MB21D2: variants seen among roughly 807,000 people sequenced by gnomAD.
MB21D2 encodes nucleotidyltransferase MB21D2.
In MB21D2, 9 loss-of-function variants were observed where a neutral mutation model predicts 33.3. The ratio of observed to expected loss-of-function variants is 0.27; its 90% CI spans 0.16 to 0.47. The LOEUF is 0.47. Ranked by LOEUF, MB21D2 falls within the 20% of genes least tolerant of loss-of-function variation. The pLI, the probability that MB21D2 is intolerant of heterozygous loss-of-function variation, is 0.99. For synonymous variants in MB21D2, 241 were observed against 236.3 expected, an observed-to-expected ratio of 1.02 and a Z score of -0.18; for missense variants, 540 against 624.6, an observed-to-expected ratio of 0.86 and a Z score of 1.44.
chr3:192,807,413 G>T (rs569486386), intron 1 of MB21D2, among the ~76,000 whole-genome samples: 1 of 151,836 alleles, frequency 6.6e-6, no homozygotes, highest in African/African-American at 2.4e-5. Context: ...TATCAGGGAT[G>T]ACCACATTAA....
At chr3:192,910,581 A>G (rs540455696) in intron 1 of MB21D2, among the ~76,000 whole-genome samples, 3 of 152,244 alleles carry the variant, frequency 2.0e-5, no homozygotes, top group African/African-American at 7.2e-5. Flanking sequence ...ACATCATTCT[A>G]CAAGTTTCAA....
chr3:192,900,743 C>T (rs181905691), intron 1 of MB21D2, among the ~76,000 whole-genome samples: 187 of 152,118 alleles, frequency 1.2e-3, no homozygotes, highest in African/African-American at 4.5e-3. Flanking sequence ...GAGTTCGAGA[C>T]AAGCCTGGCC....
chr3:192,897,554 C>A (rs139795105), intron 1 of MB21D2, among the ~76,000 whole-genome samples: 1 of 152,164 alleles, frequency 6.6e-6, no homozygotes, highest in Non-Finnish European at 1.5e-5. Context: ...ACGTCTAGTT[C>A]TTCTCATTTT....
rs747577623 is a variant in MB21D2, at chr3:192,917,811, C to G, written c.30G>C (p.Lys10Asn). 6 of 1,611,420 alleles carry G rather than the reference C, an allele frequency of 3.7e-6. No individual in the cohort carries two copies. The highest frequency in any genetic ancestry group is 5.1e-6 in the Non-Finnish European group (6 of 1,178,914). Residue 10 changes from lysine to asparagine, a missense_variant, in exon 1 of 2, where the codon AAG (lysine) becomes AAC (asparagine). Physicochemically the swap from Lys to Asn is moderately conservative, Grantham distance 94 (BLOSUM62 0). Coordinates refer to ENST00000392452, the MANE Select transcript of MB21D2 (RefSeq NM_178496.4). MKMAAPTAN[K>N]AASLGCNNKP... ...TGTTGTTACAGCCCAGGGAGGCTGC[C>G]TTGTTGGCGGTGGGAGCCGCCATCT...
Position 192,916,180 on chromosome 3 carries a change from C to A in MB21D2, c.211+1450G>T, listed in dbSNP as rs150908312. Among the ~76,000 whole-genome samples the A allele has an allele frequency of 1.4e-4, 21 of 151,358 alleles. No individual in the cohort carries two copies. In the East Asian group the frequency reaches 3.9e-3, roughly 28 times the overall value. On this transcript the variant is annotated intron_variant, in intron 1 of 1. Transcript: ENST00000392452. ...CTGAATCTCTCAATAGTTTTTCAAC[C>A]TCATACGCAACGTAAGACACACTTG...
intron 1 of MB21D2, among the ~76,000 whole-genome samples, chr3:192,820,937 T>C (rs934862981): frequency 6.6e-6 from 1 of 151,002 alleles, no homozygotes; most frequent in East Asian, 1.9e-4. Context: ...CTTTTTTTTA[T>C]ATATATTTTT....
At chr3:192,904,476 C>T (rs536799020) in intron 1 of MB21D2, among the ~76,000 whole-genome samples, 15 of 152,184 alleles carry the variant, frequency 9.9e-5, no homozygotes, top group African/African-American at 3.1e-4. Flanking sequence ...CATAAAAATC[C>T]ACAACATCTA....
At chr3:192,808,983 C>T (rs1350426833) in intron 1 of MB21D2, among the ~76,000 whole-genome samples, 2 of 152,266 alleles carry the variant, frequency 1.3e-5, no homozygotes, top group South Asian at 2.1e-4. Context: ...GACAAGGACT[C>T]TCTGAGAAGG....
rs1391176373 is a variant in MB21D2 at position 192,797,292 on chromosome 3, T to A, written c.*1094A>T. 6.6e-6 allele frequency: 1 copy of A among 152,630 alleles called. No individual in the cohort carries two copies. The highest frequency in any genetic ancestry group is 1.5e-5 in the Non-Finnish European group (1 of 68,032). 9.5% of individuals were successfully genotyped at this position (152,630 alleles called of 1,614,324 possible). On this transcript the variant is annotated 3_prime_UTR_variant, in exon 2 of 2. Transcript: ENST00000392452. ...TCTTCCTGCCAGTTTTTCTCAAAAC[T>A]CTCAGGAAGAGTAGAGATTTTACAA... is the stretch of plus-strand genomic sequence containing the variant.
intron 1 of MB21D2, among the ~76,000 whole-genome samples, chr3:192,897,641 G>A (rs768719232): frequency 2.0e-5 from 3 of 152,112 alleles, no homozygotes; most frequent in Non-Finnish European, 4.4e-5. Context: ...AAACACATAT[G>A]GGGGAGGGGT....
At chr3:192,916,737 T>C (rs750911501) in intron 1 of MB21D2, among the ~76,000 whole-genome samples, 6 of 152,124 alleles carry the variant, frequency 3.9e-5, no homozygotes, top group Non-Finnish European at 7.4e-5. Context: ...TTATGTTCCT[T>C]TACACAGCAT....
intron 1 of MB21D2, among the ~76,000 whole-genome samples, chr3:192,851,138 A>G (rs1446783208): frequency 1.3e-5 from 2 of 152,222 alleles, no homozygotes; most frequent in African/African-American, 4.8e-5. Flanking sequence ...TGGCTCCTAT[A>G]AACAAAATGA....
At chr3:192,805,480 G>A (rs1025584343) in intron 1 of MB21D2, among the ~76,000 whole-genome samples, 27 of 152,084 alleles carry the variant, frequency 1.8e-4, no homozygotes, top group Non-Finnish European at 2.8e-4. Flanking sequence ...TTTTTTAGAA[G>A]ACTGATTAAT....
rs115892248 is a variant in MB21D2, at chr3:192,863,490, G to A, written c.211+54140C>T. 5.2e-3 allele frequency among the ~76,000 whole-genome samples: 798 copies of A among 152,320 alleles called. 7 individuals carry two copies. The highest frequency in any genetic ancestry group is 0.018 in the African/African-American group (763 of 41,562). ...AAAGGAACGTTAGCACATGGTGTAA[G>A]TTTAGTTTTTTTTCTTTTTAACTCA... On this transcript the variant is annotated intron_variant, in intron 1 of 1. Transcript: ENST00000392452.
At chr3:192,824,638 T>G (rs1329604321) in intron 1 of MB21D2, among the ~76,000 whole-genome samples, 2 of 152,196 alleles carry the variant, frequency 1.3e-5, no homozygotes, top group African/African-American at 4.8e-5. Flanking sequence ...AAGAGGCGCT[T>G]GAGTTCAGCT....
chr3:192,911,696 G>C (rs1288995322), intron 1 of MB21D2, among the ~76,000 whole-genome samples: 3 of 152,088 alleles, frequency 2.0e-5, no homozygotes, highest in African/African-American at 7.2e-5. Flanking sequence ...ATGACAGGAA[G>C]ACCCAGGACT....
chr3:192,866,783 A>C (rs1235270122), intron 1 of MB21D2, among the ~76,000 whole-genome samples: 1 of 152,210 alleles, frequency 6.6e-6, no homozygotes, highest in African/African-American at 2.4e-5. Context: ...TTAGGAGAGA[A>C]GAAAGTTCCC....
chr3:192,820,704 G>A (rs1049546356), intron 1 of MB21D2, among the ~76,000 whole-genome samples: 4 of 152,246 alleles, frequency 2.6e-5, no homozygotes, highest in Non-Finnish European at 4.4e-5. Context: ...GCCTCGTTCA[G>A]CCAGCATCTG....
intron 1 of MB21D2, among the ~76,000 whole-genome samples, chr3:192,872,957 T>G (rs2108638776): frequency 6.6e-6 from 1 of 152,120 alleles, no homozygotes; most frequent in East Asian, 1.9e-4. Context: ...AGATCCCAAA[T>G]TTAGTGATAC....
Sources: gnomAD v4.1 joint callset for allele counts (sites outside exome capture counted in the v4.1 genomes callset) on GRCh38, gnomAD v4.1.1 for gene constraint, MANE v1.5 for transcripts, NCBI Gene and HGNC (gene_info 2026-07-23, HGNC 2026-07-21) for gene names.